Variants in NRXN3 observed in about 807,000 individuals in gnomAD.
The protein encoded by NRXN3 is neurexin 3.
NRXN3 carries 32 observed loss-of-function variants against 137.6 expected under a neutral mutation model. The observed-to-expected ratio is 0.23, with a 90% CI of 0.18 to 0.31. The LOEUF (loss-of-function observed/expected upper bound fraction) is 0.31. NRXN3 is among the 10% of genes least tolerant of loss of function. NRXN3 has a pLI of 1.00. For synonymous variants in NRXN3, 798 were observed against 784.5 expected (o/e 1.02, Z -0.29); for missense variants, 1,574 against 2,062.5 (o/e 0.76, Z 4.59).
At position 79,697,626 on chromosome 14, in the gene NRXN3, C is replaced by T. The variant is rs753774279; in HGVS notation, c.3707-4C>T. 3.1e-6 allele frequency: 5 copies of T among 1,610,074 alleles called. No individual in the cohort carries two copies. In the East Asian group the frequency reaches 1.1e-4, roughly 36 times the overall value. ...AATAATGTTTCCTCCACCCAACCCACTAGGCCGGCAGTTAACCATCTTCAA... is the reference window on the plus strand; with the variant it reads ...AATAATGTTTCCTCCACCCAACCCATTAGGCCGGCAGTTAACCATCTTCAA... On this transcript the variant is annotated splice_polypyrimidine_tract_variant and splice_region_variant and intron_variant, in intron 18 of 20. Coordinates refer to ENST00000335750, the MANE Select transcript of NRXN3 (RefSeq NM_001330195.2).
intron 19 of NRXN3, among the ~76,000 whole-genome samples, chr14:79,759,721 T>G (rs576293539): frequency 1.6e-4 from 24 of 151,836 alleles, no homozygotes; most frequent in South Asian, 6.2e-4. Flanking sequence ...GGTAATAAAG[T>G]TATCATAAGA....
intron 15 of NRXN3, among the ~76,000 whole-genome samples, chr14:79,261,222 AAAG>A (rs2077532021): frequency 6.6e-6 from 1 of 152,202 alleles, no homozygotes; most frequent in Non-Finnish European, 1.5e-5. Flanking sequence ...GAGGGTTAAC[AAAG>A]AAGAGAAGCA....
chr14:79,430,467 A>T (rs2095732933), intron 15 of NRXN3, among the ~76,000 whole-genome samples: 1 of 152,242 alleles, frequency 6.6e-6, no homozygotes, highest in Non-Finnish European at 1.5e-5. Flanking sequence ...TGGGTTTCCC[A>T]TGTGACTAGC....
intron 15 of NRXN3, among the ~76,000 whole-genome samples, chr14:79,242,286 A>G (rs2074432416): frequency 6.6e-6 from 1 of 152,092 alleles, no homozygotes; most frequent in Admixed American, 6.6e-5. Context: ...AGATCCTAGA[A>G]GATCAGCTGG....
intron 19 of NRXN3, among the ~76,000 whole-genome samples, chr14:79,702,231 A>G (rs947261159): frequency 1.3e-5 from 2 of 152,092 alleles, no homozygotes; most frequent in African/African-American, 4.8e-5. Context: ...TTAGAGTTCT[A>G]TGAGTCTTTG....
At chr14:79,000,507 A>G (rs1384968737) in intron 15 of NRXN3, among the ~76,000 whole-genome samples, 2 of 152,176 alleles carry the variant, frequency 1.3e-5, no homozygotes, top group African/African-American at 4.8e-5. Context: ...TATTCCACCT[A>G]AATTCTCGAT....
intron 6 of NRXN3, among the ~76,000 whole-genome samples, chr14:78,675,945 T>G (rs901997625): frequency 7.2e-5 from 11 of 152,194 alleles, no homozygotes; most frequent in Non-Finnish European, 1.6e-4. Flanking sequence ...TGATTAGTTA[T>G]CTTCGATGTT....
At chr14:78,313,119 G>A (rs1474226163) in intron 4 of NRXN3, among the ~76,000 whole-genome samples, 1 of 152,120 alleles carries the variant, frequency 6.6e-6, no homozygotes, top group African/African-American at 2.4e-5. Context: ...AATGACTTTT[G>A]TCAACTTTCC....
intron 17 of NRXN3, among the ~76,000 whole-genome samples, chr14:79,668,105 T>C (rs2153992656): frequency 6.6e-6 from 1 of 152,194 alleles, no homozygotes; most frequent in Admixed American, 6.5e-5. Context: ...TTCTTCAGTC[T>C]TTAAAATGCA....
At chr14:78,403,572 A>G (rs1205689449) in intron 4 of NRXN3, among the ~76,000 whole-genome samples, 1 of 152,168 alleles carries the variant, frequency 6.6e-6, no homozygotes, top group Non-Finnish European at 1.5e-5. Context: ...CAGTGTATGC[A>G]CAAAACACCC....
intron 15 of NRXN3, among the ~76,000 whole-genome samples, chr14:79,079,848 C>T (rs143964623): frequency 0.029 from 4,385 of 151,996 alleles, 207 homozygotes; most frequent in African/African-American, 0.1. Flanking sequence ...ATTAGCCGGG[C>T]GTGGTGGTGC....
At chr14:79,526,162 C>T (rs940522652) in intron 16 of NRXN3, among the ~76,000 whole-genome samples, 6 of 152,186 alleles carry the variant, frequency 3.9e-5, no homozygotes, top group Non-Finnish European at 8.8e-5. Flanking sequence ...ATTCTCCTGC[C>T]TCAGCCTCCC....
intron 20 of NRXN3, among the ~76,000 whole-genome samples, chr14:79,808,272 A>ATATATG (rs1568322549): frequency 1.4e-5 from 2 of 145,500 alleles, no homozygotes; most frequent in East Asian, 2.0e-4. Flanking sequence ...ATATATATAT[A>ATATATG]TATGTATGTA....
At chr14:78,295,154 C>T (rs1280455868) in intron 3 of NRXN3, among the ~76,000 whole-genome samples, 1 of 152,140 alleles carries the variant, frequency 6.6e-6, no homozygotes, top group Non-Finnish European at 1.5e-5. Context: ...TGTAAAAGCC[C>T]TTGAAAGTGG....
intron 15 of NRXN3, among the ~76,000 whole-genome samples, chr14:79,382,473 ATGATGTTCTGTCAGTCGGTTGTC>A (rs983381004): frequency 2.2e-4 from 34 of 152,130 alleles, no homozygotes; most frequent in African/African-American, 7.7e-4. Flanking sequence ...ATTTGGGAAC[ATGATGTTCTGTCAGTCGGTTGTC>A]TGTGATAAGC....
chr14:79,821,365 T>C (rs911896610), intron 20 of NRXN3, among the ~76,000 whole-genome samples: 1 of 152,076 alleles, frequency 6.6e-6, no homozygotes, highest in Non-Finnish European at 1.5e-5. Context: ...ATAGATGAAA[T>C]AGACCAGACC....
chr14:78,904,273 G>T (rs1386207987), intron 10 of NRXN3, among the ~76,000 whole-genome samples: 1 of 152,010 alleles, frequency 6.6e-6, no homozygotes, highest in African/African-American at 2.4e-5. Flanking sequence ...CTGGGAGAGA[G>T]GGTGTTGCTG....
chr14:79,570,282 C>G (rs1360308828), intron 16 of NRXN3, among the ~76,000 whole-genome samples: 1 of 152,158 alleles, frequency 6.6e-6, no homozygotes, highest in African/African-American at 2.4e-5. Context: ...GTTCCTTCAT[C>G]CAGAATGCTG....
intron 1 of NRXN3, among the ~76,000 whole-genome samples, chr14:78,236,757 A>G (rs984880110): frequency 1.4e-5 from 2 of 143,714 alleles, no homozygotes; most frequent in Non-Finnish European, 3.1e-5. Context: ...TGATGAAGAA[A>G]GACTCAAGAG....
Sources: allele counts gnomAD v4.1 joint callset (sites outside exome capture counted in the v4.1 genomes callset), GRCh38; gene constraint gnomAD v4.1.1; transcripts MANE v1.5; gene names NCBI Gene and HGNC (gene_info 2026-07-23, HGNC 2026-07-21).